STK26: variants seen among roughly 807,000 people sequenced by gnomAD.
The protein encoded by STK26 is serine/threonine-protein kinase 26.
Under a neutral mutation model 34.7 loss-of-function variants are expected in STK26, and 14 were observed. The ratio of observed to expected loss-of-function variants is 0.40; its 90% CI spans 0.27 to 0.63. The LOEUF (loss-of-function observed/expected upper bound fraction) is 0.63. Among genes scored for constraint, STK26 ranks in the 30% least tolerant of loss-of-function variants. The pLI is 0.38. For synonymous variants in STK26, 100 were observed against 109.8 expected, an observed-to-expected ratio of 0.91 and a Z score of 0.56; for missense variants, 226 against 309.1, an observed-to-expected ratio of 0.73 and a Z score of 2.02.
At chrX:132,026,227 G>T (rs953449987) in intron 2 of STK26, among the ~76,000 whole-genome samples, 1 of 112,095 alleles carries the variant, frequency 8.9e-6, no homozygotes, top group African/African-American at 3.2e-5. Flanking sequence ...AGAAATTGCT[G>T]TTGCCACTAG....
Position 132,068,315 on chromosome X carries a change from A to T in STK26, c.431A>T (p.Asp144Val). The T allele has an allele frequency of 8.3e-7, 1 of 1,200,044 alleles. No individual in the cohort carries two copies. The change falls in exon 5 of 12, where the codon GAC becomes GTC. Residue 144 changes from aspartate to valine, a missense_variant. Physicochemically the swap from Asp to Val is radical, Grantham distance 152. This residue lies in a region of STK26 where 100 missense variants were observed against 176.7 expected (regional missense o/e 0.57). Coordinates refer to ENST00000394334, the MANE Select transcript of STK26 (RefSeq NM_016542.4). ...CATTCAGAAAAGAAAATTCACCGAG[A>T]CATAAAAGGTATACAAAAGTCTAAT... ...YLHSEKKIHR[D>V]IKAANVLLSE... is the part of the protein sequence containing the mutation.
intron 11 of STK26, 53 bp downstream of exon 11, chrX:132,073,146 A>G: frequency 9.1e-7 from 1 of 1,099,368 alleles, no homozygotes; most frequent in East Asian, 3.0e-5. Flanking sequence ...GTTGTATGTT[A>G]ATTTATGATG....
chrX:132,034,364 T>C (rs905150631), intron 2 of STK26, among the ~76,000 whole-genome samples: 2 of 85,274 alleles, frequency 2.3e-5, no homozygotes, highest in East Asian at 4.4e-4. Context: ...TGGAGTGCAG[T>C]GGCGCGATCT....
At chrX:132,040,262 G>T (rs1205890630) in intron 2 of STK26, among the ~76,000 whole-genome samples, 1 of 112,635 alleles carries the variant, frequency 8.9e-6, no homozygotes, top group East Asian at 2.8e-4. Flanking sequence ...GAGAATTGCT[G>T]ATGTAAAGAA....
Position 132,023,675 on chromosome X carries a change from C to T in STK26, c.42+16C>T. On this transcript the variant is annotated intron_variant, in intron 2 of 11. Coordinates refer to ENST00000394334, the MANE Select transcript of STK26 (RefSeq NM_016542.4). ...TGGGATGCAGGTGAGGAAGCGCAGG[C>T]CGCCCCCGCCGCCCACGTGACTGCT... is the stretch of plus-strand genomic sequence containing the variant. The T allele has an allele frequency of 8.5e-7, 1 of 1,173,033 alleles. No homozygotes were observed. The highest frequency in any genetic ancestry group is 1.1e-6 in the Non-Finnish European group (1 of 876,563).
chrX:132,057,618 G>T (rs1926903369), intron 3 of STK26, among the ~76,000 whole-genome samples: 1 of 111,230 alleles, frequency 9.0e-6, no homozygotes, highest in African/African-American at 3.3e-5. Flanking sequence ...TGCCGTCTTG[G>T]TGACTTTGTC....
chrX:132,037,120 A>G (rs980187781), intron 2 of STK26, among the ~76,000 whole-genome samples: 3 of 112,226 alleles, frequency 2.7e-5, no homozygotes, highest in African/African-American at 9.7e-5. Context: ...TTTTTATTAT[A>G]TGAAAATGTA....
At chrX:132,059,111 G>A (rs1569333774) in intron 3 of STK26, among the ~76,000 whole-genome samples, 1 of 111,426 alleles carries the variant, frequency 9.0e-6, no homozygotes, top group African/African-American at 3.3e-5. Context: ...AAATATAACA[G>A]GATTCTGTTT....
rs1388859296 is a variant in STK26, at chrX:132,054,302, T to C, written c.43-329T>C. On this transcript the variant is annotated intron_variant, in intron 2 of 11. Transcript: ENST00000394334. ...GATATTCTCCCACTATTGCTACATT[T>C]GCATTAATGTGTAAACTGTGTATAA... is the stretch of plus-strand genomic sequence containing the variant. 3.6e-5 allele frequency among the ~76,000 whole-genome samples: 4 copies of C among 112,361 alleles called. No individual in the cohort carries two copies. In the Admixed American group the frequency reaches 3.8e-4, roughly 11 times the overall value.
intron 3 of STK26, among the ~76,000 whole-genome samples, chrX:132,060,277 C>G (rs1248668278): frequency 9.0e-6 from 1 of 111,562 alleles, no homozygotes; most frequent in Admixed American, 9.5e-5. Context: ...TGCAATAACC[C>G]TCAAACTAGG....
intron 2 of STK26, among the ~76,000 whole-genome samples, chrX:132,042,597 G>T (rs974161269): frequency 9.0e-6 from 1 of 111,141 alleles, no homozygotes; most frequent in African/African-American, 3.3e-5. Flanking sequence ...ATCTTTTAAA[G>T]AATTAGATAG....
At chrX:132,073,185 C>T in intron 11 of STK26, 92 bp downstream of exon 11, 1 of 953,435 alleles carries the variant, frequency 1.0e-6, no homozygotes, top group Non-Finnish European at 1.4e-6. Context: ...TCAACCATTC[C>T]AATTATTCCT....
At position 132,069,627 on chromosome X, in the gene STK26, G is replaced by C; in HGVS notation, c.747G>C (p.Glu249Asp). Residue 249 changes from glutamate to aspartate, a missense_variant, in exon 7 of 12, where the codon GAG (glutamate) becomes GAC (aspartate). This residue lies in a region of STK26 where 126 missense variants were observed against 132.4 expected (regional missense o/e 0.95). Transcript: ENST00000394334. ...GAGACTTTACTAAGTCTTTTAAGGA[G>C]TTTATTGATGCTTGCCTGAACAAAG... ...LVGDFTKSFK[E>D]FIDACLNKDP... The C allele has an allele frequency of 8.7e-7, 1 of 1,152,932 alleles. No homozygotes were observed. Among genetic ancestry groups the C allele is most frequent in the Non-Finnish European group, 1.2e-6 (1 of 868,097 alleles).
In STK26 at chrX:132,023,327, C is replaced by T; in HGVS notation, c.-191C>T. The T allele has an allele frequency of 2.1e-6, 1 of 483,256 alleles. No homozygotes were observed. Among genetic ancestry groups the T allele is most frequent in the Non-Finnish European group, 3.8e-6 (1 of 262,944 alleles). 39.8% of individuals were successfully genotyped at this position (483,256 alleles called of 1,213,427 possible). ...ATCACTCGAGCCCAGGTCCCAGCCA[C>T]CACCACTCACAGCGCTCGGCGTTCA... On this transcript the variant is annotated 5_prime_UTR_variant, in exon 1 of 12. Coordinates refer to ENST00000394334, the MANE Select transcript of STK26 (RefSeq NM_016542.4).
At chrX:132,038,307 G>A (rs1926135147) in intron 2 of STK26, among the ~76,000 whole-genome samples, 1 of 111,658 alleles carries the variant, frequency 9.0e-6, no homozygotes, top group African/African-American at 3.2e-5. Flanking sequence ...AGGAAATTGG[G>A]GAGGTAATAG....
chrX:132,035,225 C>G (rs751761738), intron 2 of STK26, among the ~76,000 whole-genome samples: 2 of 111,106 alleles, frequency 1.8e-5, no homozygotes, highest in Non-Finnish European at 3.8e-5. Flanking sequence ...TTCCAGTTAT[C>G]TTTCCAAGAA....
At chrX:132,033,804 T>C (rs764267585) in intron 2 of STK26, among the ~76,000 whole-genome samples, 1 of 111,178 alleles carries the variant, frequency 9.0e-6, no homozygotes, top group East Asian at 2.8e-4. Context: ...GCTCAAGAAG[T>C]TTATACTCTA....
At chrX:132,039,281 C>G (rs1461729392) in intron 2 of STK26, among the ~76,000 whole-genome samples, 1 of 111,538 alleles carries the variant, frequency 9.0e-6, no homozygotes, top group Non-Finnish European at 1.9e-5. Flanking sequence ...AAAAGATTAT[C>G]TGTTAATTGT....
chrX:132,070,798 C>T (rs1602781054), intron 7 of STK26, among the ~76,000 whole-genome samples: 1 of 112,726 alleles, frequency 8.9e-6, no homozygotes. Context: ...TTTGAGAAGG[C>T]CCTGCCTGCC....
Sources: gnomAD v4.1 joint callset for allele counts (sites outside exome capture counted in the v4.1 genomes callset) on GRCh38, gnomAD v4.1.1 for gene constraint, gnomAD v4.1.1 regional missense constraint, MANE v1.5 for transcripts, NCBI Gene and HGNC (gene_info 2026-07-23, HGNC 2026-07-21) for gene names.